The following PHF24 variants were observed in gnomAD, a reference collection of about 807,000 sequenced individuals.
PHF24 encodes the protein Galpha inhibitory interacting protein.
In PHF24, 25 loss-of-function variants were observed where a neutral mutation model predicts 42.6. The observed-to-expected ratio is 0.59, with a 90% CI of 0.43 to 0.82. The LOEUF is 0.82. PHF24 is among the 40% of genes least tolerant of loss of function. PHF24 has a pLI of 0.00. For missense variants in PHF24, 470 were observed against 538.1 expected (o/e 0.87, Z 1.25); for synonymous variants, 185 against 204.8 (o/e 0.90, Z 0.83).
chr9:34,798,393 G>C, the PHF24 span, among the ~76,000 whole-genome samples: 2 of 152,058 alleles, frequency 1.3e-5, no homozygotes, highest in Non-Finnish European at 2.9e-5. Context: ...GGAGTCCTTA[G>C]TATCTATTGT....
rs1398378229 is a variant in PHF24, at chr9:34,976,520, G to T, written c.644-15G>T. On this transcript the variant is annotated splice_polypyrimidine_tract_variant and intron_variant, in intron 4 of 7. Transcript: ENST00000242315. ...AGGAAGGATGGGCATGGCTAGCACG[G>T]GGTGCCTCCCACAGATTGCTCCCTG... 8 of 1,606,196 alleles carry T rather than the reference G, an allele frequency of 5.0e-6. No individual in the cohort carries two copies. Among genetic ancestry groups the T allele is most frequent in the African/African-American group, 2.7e-5 (2 of 74,832 alleles).
the PHF24 span, among the ~76,000 whole-genome samples, chr9:34,807,872 A>C: frequency 1.3e-5 from 2 of 152,238 alleles, no homozygotes; most frequent in Non-Finnish European, 1.5e-5. Context: ...GACACCACCA[A>C]GAAGCTTTAC....
chr9:34,795,944 G>T, the PHF24 span, among the ~76,000 whole-genome samples: 1 of 151,918 alleles, frequency 6.6e-6, no homozygotes, highest in Non-Finnish European at 1.5e-5. Flanking sequence ...TGAGGCTGCA[G>T]TGATCCATAA....
the PHF24 span, among the ~76,000 whole-genome samples, chr9:34,718,883 C>T: frequency 6.6e-6 from 1 of 152,182 alleles, no homozygotes; most frequent in Non-Finnish European, 1.5e-5. Context: ...TCTGAAGTGC[C>T]CTTCTGGAAA....
chr9:34,683,063 CT>C, the PHF24 span, among the ~76,000 whole-genome samples: 1 of 44,592 alleles, frequency 2.2e-5, no homozygotes, highest in Admixed American at 3.1e-4. Context: ...CTTTCTTTCT[CT>C]CTTTTTTTTT....
At chr9:34,695,110 G>A in the PHF24 span, among the ~76,000 whole-genome samples, 27 of 152,178 alleles carry the variant, frequency 1.8e-4, no homozygotes, top group Non-Finnish European at 3.8e-4. Flanking sequence ...TAGAGAGTTG[G>A]AACATTCTCT....
the PHF24 span, among the ~76,000 whole-genome samples, chr9:34,847,455 C>T: frequency 2.0e-5 from 3 of 151,758 alleles, no homozygotes; most frequent in Admixed American, 1.3e-4. Flanking sequence ...GATTTTGTAT[C>T]CTGAGACTTT....
the PHF24 span, among the ~76,000 whole-genome samples, chr9:34,796,623 C>A: frequency 1.3e-5 from 2 of 152,200 alleles, no homozygotes. Flanking sequence ...AGATCATGCA[C>A]CATTTGGAAA....
the PHF24 span, among the ~76,000 whole-genome samples, chr9:34,854,491 T>C: frequency 1.3e-5 from 2 of 152,306 alleles, no homozygotes; most frequent in Admixed American, 1.3e-4. Context: ...TTCTCATTAG[T>C]TTCAAAAATA....
At chr9:34,864,045 T>C in the PHF24 span, among the ~76,000 whole-genome samples, 1 of 152,176 alleles carries the variant, frequency 6.6e-6, no homozygotes, top group Non-Finnish European at 1.5e-5. Context: ...GCAGAATTGA[T>C]GAAGCAGAAG....
At chr9:34,678,867 C>T in the PHF24 span, among the ~76,000 whole-genome samples, 1 of 152,076 alleles carries the variant, frequency 6.6e-6, no homozygotes, top group East Asian at 1.9e-4. Context: ...TGACCTCAGG[C>T]GATCCGTCTG....
chr9:34,753,802 A>G, the PHF24 span, among the ~76,000 whole-genome samples: 1 of 152,202 alleles, frequency 6.6e-6, no homozygotes, highest in Non-Finnish European at 1.5e-5. Context: ...ACATGGATCA[A>G]TGGAACAGAA....
At chr9:34,943,211 C>A in the PHF24 span, among the ~76,000 whole-genome samples, 5 of 152,138 alleles carry the variant, frequency 3.3e-5, no homozygotes, top group Middle Eastern at 3.2e-3. Context: ...TTGTTTGTTT[C>A]TCTGAGTCCG....
upstream of PHF24, among the ~76,000 whole-genome samples, chr9:34,954,245 T>C (rs1826320990): frequency 6.6e-6 from 1 of 152,218 alleles, no homozygotes; most frequent in Non-Finnish European, 1.5e-5. Context: ...GGTAGGTCTT[T>C]ACTTCAGGAC....
chr9:34,917,345 G>A, the PHF24 span: 2 of 826,642 alleles, frequency 2.4e-6, no homozygotes, highest in Non-Finnish European at 4.3e-6. Context: ...TGGAAGAGTT[G>A]CCTGAGGGGA....
the PHF24 span, among the ~76,000 whole-genome samples, chr9:34,732,626 G>A: frequency 6.6e-6 from 1 of 152,040 alleles, no homozygotes; most frequent in Non-Finnish European, 1.5e-5. Context: ...CTTGATGTGA[G>A]CCCATTTGTC....
chr9:34,778,580 T>G, the PHF24 span, among the ~76,000 whole-genome samples: 1 of 152,098 alleles, frequency 6.6e-6, no homozygotes, highest in Non-Finnish European at 1.5e-5. Flanking sequence ...GTAACACATA[T>G]AAATGTATGC....
the PHF24 span, among the ~76,000 whole-genome samples, chr9:34,932,958 G>T: frequency 6.8e-6 from 1 of 146,378 alleles, no homozygotes; most frequent in Admixed American, 6.9e-5. Context: ...CCTCCCCACA[G>T]TATAAGCTTC....
At chr9:34,849,018 C>T in the PHF24 span, among the ~76,000 whole-genome samples, 1 of 152,116 alleles carries the variant, frequency 6.6e-6, no homozygotes, top group Non-Finnish European at 1.5e-5. Flanking sequence ...GCTTTACTTC[C>T]AACTATGTGG....
Sources: gnomAD v4.1 joint callset for allele counts (sites outside exome capture counted in the v4.1 genomes callset) on GRCh38, gnomAD v4.1.1 for gene constraint, MANE v1.5 for transcripts, NCBI Gene and HGNC (gene_info 2026-07-23, HGNC 2026-07-21) for gene names.